TRIM59: variants seen among roughly 807,000 people sequenced by gnomAD.
TRIM59 encodes tripartite motif-containing protein 59.
A neutral mutation model predicts 32.2 loss-of-function variants in TRIM59; 14 were observed. That is an observed-to-expected ratio of 0.43 (90% confidence interval 0.29 to 0.68). The LOEUF (loss-of-function observed/expected upper bound fraction) is 0.68, where lower values mean the gene tolerates loss of function less well. TRIM59 is among the 30% of genes least tolerant of loss of function. TRIM59 has a pLI of 0.15. For synonymous variants in TRIM59, 163 were observed against 155.1 expected (o/e 1.05, Z -0.38); for missense variants, 471 against 463.3 (o/e 1.02, Z -0.15).
rs1719047236 is a variant in TRIM59 at position 160,437,622 on chromosome 3, T to C, written c.*350A>G. 2 of 990,894 alleles carry C rather than the reference T, an allele frequency of 2.0e-6. No individual in the cohort carries two copies. Among genetic ancestry groups the C allele is most frequent in the Non-Finnish European group, 1.2e-6 (1 of 833,100 alleles). The allele number at this position is 990,894 out of a possible 1,614,324, so 61.4% of individuals were successfully genotyped here. On this transcript the variant is annotated 3_prime_UTR_variant, in exon 3 of 3. Transcript: ENST00000309784. ...TTCTTTCAGGATTTTGCTATATATATAAAGAACTGTAAAGCCAATTAACTG... is the reference window on the plus strand; with the variant it reads ...TTCTTTCAGGATTTTGCTATATATACAAAGAACTGTAAAGCCAATTAACTG...
In TRIM59 at chr3:160,438,777, C is replaced by T. The variant is rs368053962; in HGVS notation, c.407G>A (p.Ser136Asn). The change falls in exon 3 of 3, where the codon AGT (serine) becomes AAT (asparagine). Residue 136 changes from serine to asparagine, a missense_variant. Physicochemically the swap from Ser to Asn is conservative, Grantham distance 46. Transcript: ENST00000309784. The stretch of plus-strand genomic sequence containing the variant: ...AGTGTCCTTTTCTTTCAAATAGGCA[C>T]TTTGAAGGTCATCTATAGGATGACC... ...HHGHPIDDLQ[S>N]AYLKEKDTPQ... The T allele has an allele frequency of 4.3e-6, 7 of 1,613,886 alleles. No individual in the cohort carries two copies. The highest frequency in any genetic ancestry group is 5.9e-6 in the Non-Finnish European group (7 of 1,179,896).
chr3:160,445,755 C>G (rs1719496356), intron 2 of TRIM59, among the ~76,000 whole-genome samples: 1 of 126,412 alleles, frequency 7.9e-6, no homozygotes, highest in Non-Finnish European at 1.6e-5. Flanking sequence ...GTCTGGGTGA[C>G]AGAGCAAGAC....
chr3:160,438,271 T>C lies in TRIM59; in HGVS notation c.913A>G (p.Met305Val), dbSNP rs539734573. The C allele has an allele frequency of 1.2e-5, 19 of 1,613,816 alleles. No individual in the cohort carries two copies. The South Asian group carries it at 1.8e-4, about 15-fold the overall frequency. ...GQIKNVLIPK[M>V]KISPKRMSCS... is the part of the protein sequence containing the mutation. Reference sequence around the variant, plus strand: ...GACATCCTTTTTGGAGAAATTTTCATTTTGGGAATGAGAACGTTCTTAATT... The same window carrying C: ...GACATCCTTTTTGGAGAAATTTTCACTTTGGGAATGAGAACGTTCTTAATT... The change falls in exon 3 of 3, where the codon ATG becomes GTG. Residue 305 changes from methionine (M) to valine (V), a missense_variant. Coordinates refer to ENST00000309784, the MANE Select transcript of TRIM59 (RefSeq NM_173084.3).
At chr3:160,440,324 T>C (rs974357341) in intron 2 of TRIM59, among the ~76,000 whole-genome samples, 1 of 152,072 alleles carries the variant, frequency 6.6e-6, no homozygotes, top group Admixed American at 6.6e-5. Flanking sequence ...AAGAAGACCA[T>C]TAGTCATCTT....
chr3:160,438,792 A>G lies in TRIM59; in HGVS notation c.392T>C (p.Ile131Thr), dbSNP rs764622144. The G allele has an allele frequency of 8.1e-6, 13 of 1,613,292 alleles. No homozygotes were observed. The highest frequency in any genetic ancestry group is 6.7e-5 in the East Asian group (3 of 44,864). The change falls in exon 3 of 3, where the codon ATA becomes ACA. Residue 131 changes from isoleucine to threonine, a missense_variant. Physicochemically the swap from Ile to Thr is moderately conservative, Grantham distance 89. Coordinates refer to ENST00000309784, the MANE Select transcript of TRIM59 (RefSeq NM_173084.3). The part of the protein sequence containing the change: ...LTIGQHHGHP[I>T]DDLQSAYLKE... The stretch of plus-strand genomic sequence containing the variant: ...CAAATAGGCACTTTGAAGGTCATCT[A>G]TAGGATGACCATGATGTTGACCTAT...
Position 160,438,542 on chromosome 3 carries a change from A to G in TRIM59, c.642T>C (p.Ile214=), listed in dbSNP as rs371131967. 71 of 1,611,514 alleles carry G rather than the reference A, an allele frequency of 4.4e-5. No homozygotes were observed. Among genetic ancestry groups the G allele is most frequent in the Admixed American group, 1.0e-4 (6 of 59,524 alleles). ...LTALCDVGNL[I]NQEYTPQIER... is the part of the protein sequence containing the mutation. ...CAATTTGTGGAGTATATTCTTGATTAATTAGATTGCCAACATCACAGAGAG... is the reference window on the plus strand; with the variant it reads ...CAATTTGTGGAGTATATTCTTGATTGATTAGATTGCCAACATCACAGAGAG... Residue 214 remains isoleucine (I), a synonymous_variant, in exon 3 of 3, where the codon ATT becomes ATC. Coordinates refer to ENST00000309784, the MANE Select transcript of TRIM59 (RefSeq NM_173084.3).
intron 2 of TRIM59, among the ~76,000 whole-genome samples, chr3:160,441,769 A>G (rs568196143): frequency 3.4e-4 from 52 of 151,440 alleles, no homozygotes; most frequent in African/African-American, 9.2e-4. Flanking sequence ...AAAAAAAAAA[A>G]AAAGAAAAAA....
intron 1 of TRIM59, chr3:160,449,457 G>T (rs1040894020): frequency 8.6e-7 from 1 of 1,166,860 alleles, no homozygotes; most frequent in Non-Finnish European, 1.1e-6. Context: ...ACTCGGCGGC[G>T]TCCGCTCAGC....
rs773938500 is a variant in TRIM59, at chr3:160,438,774, G to A, written c.410C>T (p.Ala137Val). 3.1e-6 allele frequency: 5 copies of A among 1,613,730 alleles called. No homozygotes were observed. The highest frequency in any genetic ancestry group is 2.2e-5 in the South Asian group (2 of 91,064). Residue 137 changes from alanine (A) to valine (V), a missense_variant, in exon 3 of 3, where the codon GCC becomes GTC. By Grantham distance (64) the Ala-to-Val change is moderately conservative. Transcript: ENST00000309784. The stretch of plus-strand genomic sequence containing the variant: ...AGGAGTGTCCTTTTCTTTCAAATAG[G>A]CACTTTGAAGGTCATCTATAGGATG... ...HGHPIDDLQSAYLKEKDTPQK... is the reference protein window; with the variant it reads ...HGHPIDDLQSVYLKEKDTPQK...
chr3:160,446,860 A>G (rs1277926468), intron 2 of TRIM59, among the ~76,000 whole-genome samples: 1 of 152,152 alleles, frequency 6.6e-6, no homozygotes, highest in East Asian at 1.9e-4. Flanking sequence ...GAATCTAACT[A>G]ATGCCTGATG....
chr3:160,442,766 G>A (rs574957813), intron 2 of TRIM59, among the ~76,000 whole-genome samples: 29 of 152,272 alleles, frequency 1.9e-4, no homozygotes, highest in African/African-American at 5.5e-4. Context: ...AACTAGAACT[G>A]AAAAATAACT....
Position 160,449,763 on chromosome 3 carries a change from C to A in TRIM59, c.-120G>T, listed in dbSNP as rs981114499. 3.9e-6 allele frequency: 5 copies of A among 1,281,940 alleles called. No homozygotes were observed. The highest frequency in any genetic ancestry group is 5.1e-6 in the Non-Finnish European group (5 of 981,696). 79.4% of individuals were successfully genotyped at this position (1,281,940 alleles called of 1,614,324 possible). A position where few individuals can be genotyped will look rare whatever the true frequency, so the allele number is the denominator to read the frequency against. On this transcript the variant is annotated 5_prime_UTR_variant, in exon 1 of 3. Transcript: ENST00000309784. ...GCAACTCCACAGCACGGAAACACAG[C>A]GCCACGAGCTCCAGGCGGATGCTGA...
At chr3:160,447,646 CT>C (rs1333948392) in intron 2 of TRIM59, 1 of 152,190 alleles carries the variant, frequency 6.6e-6, no homozygotes, top group Non-Finnish European at 1.5e-5. Flanking sequence ...TTCACTAATG[CT>C]TTCCTGCCTT....
Position 160,437,941 on chromosome 3 carries a change from A to G in TRIM59, c.*31T>C. 1 of 1,520,624 alleles carries G rather than the reference A, an allele frequency of 6.6e-7. No homozygotes were observed. Among genetic ancestry groups the G allele is most frequent in the Non-Finnish European group, 8.8e-7 (1 of 1,140,398 alleles). The allele number at this position is 1,520,624 out of a possible 1,614,324, so 94.2% of individuals were successfully genotyped here. A position where few individuals can be genotyped will look rare whatever the true frequency, so the allele number is the denominator to read the frequency against. ...TTTTTTGTTTAGCAATGTACAGAAT[A>G]AGCCCATTTAAACAATTCAGGTTGA... On this transcript the variant is annotated 3_prime_UTR_variant, in exon 3 of 3. Transcript: ENST00000309784.
At chr3:160,449,581 G>A in intron 1 of TRIM59, 136 bp downstream of exon 1, 3 of 1,288,938 alleles carry the variant, frequency 2.3e-6, no homozygotes, top group Non-Finnish European at 3.0e-6. Flanking sequence ...ATGAGTGCAG[G>A]TCCCAAGCCA....
At chr3:160,449,425 C>T (rs1209990489) in intron 1 of TRIM59, 3 of 1,120,756 alleles carry the variant, frequency 2.7e-6, no homozygotes, top group Non-Finnish European at 3.4e-6. Flanking sequence ...CCCGCCCGTC[C>T]CCAACCCCGC....
intron 2 of TRIM59, among the ~76,000 whole-genome samples, chr3:160,444,420 G>C (rs1476811339): frequency 1.3e-5 from 2 of 152,106 alleles, no homozygotes; most frequent in Non-Finnish European, 1.5e-5. Context: ...TATCCACACA[G>C]AAAAGAAGGA....
intron 2 of TRIM59, among the ~76,000 whole-genome samples, chr3:160,444,309 G>A (rs1463736291): frequency 6.6e-6 from 1 of 152,002 alleles, no homozygotes; most frequent in Non-Finnish European, 1.5e-5. Context: ...GCTTCTAGAG[G>A]GAAAGAATCT....
At chr3:160,449,641 C>G in intron 1 of TRIM59, 76 bp downstream of exon 1, 1 of 1,289,946 alleles carries the variant, frequency 7.8e-7, no homozygotes, top group Non-Finnish European at 1.0e-6. Context: ...ACACTAGGCA[C>G]ACCAGACTGT....
Sources: gnomAD v4.1 joint callset for allele counts (sites outside exome capture counted in the v4.1 genomes callset) on GRCh38, gnomAD v4.1.1 for gene constraint, MANE v1.5 for transcripts, NCBI Gene and HGNC (gene_info 2026-07-23, HGNC 2026-07-21) for gene names.